The following CPSF3 variants were observed in gnomAD, a reference collection of about 807,000 sequenced individuals.
CPSF3 encodes the protein cleavage and polyadenylation specificity factor subunit 3.
CPSF3 carries 57 observed loss-of-function variants against 84.1 expected under a neutral mutation model. The observed-to-expected ratio is 0.68, with a 90% CI of 0.55 to 0.85. The LOEUF (loss-of-function observed/expected upper bound fraction) is 0.85. CPSF3 is among the 40% of genes least tolerant of loss of function. CPSF3 has a pLI of 0.00. For missense variants in CPSF3, 522 were observed against 838.8 expected, an observed-to-expected ratio of 0.62 and a Z score of 4.66; for synonymous variants, 275 against 278.1, an observed-to-expected ratio of 0.99 and a Z score of 0.11.
At chr2:9,463,955 C>T (rs1681818330) in intron 15 of CPSF3, among the ~76,000 whole-genome samples, 1 of 152,218 alleles carries the variant, frequency 6.6e-6, no homozygotes, top group African/African-American at 2.4e-5. Flanking sequence ...CAAGGCACCT[C>T]TGTGAAACAA....
chr2:9,471,582 CT>C, intron 17 of CPSF3, 143 bp downstream of exon 17: 1 of 615,852 alleles, frequency 1.6e-6, no homozygotes, highest in South Asian at 1.9e-5. Flanking sequence ...TCACATTGTT[CT>C]TTTTATATTA....
At chr2:9,431,529 A>ATT (rs759124668) in intron 4 of CPSF3, among the ~76,000 whole-genome samples, 1,660 of 131,638 alleles carry the variant, frequency 0.013, 38 homozygotes, top group Middle Eastern at 0.018. Flanking sequence ...AAATATACAT[A>ATT]TTTTTTTTTT....
At chr2:9,450,238 G>A (rs1305078633) in intron 11 of CPSF3, among the ~76,000 whole-genome samples, 1 of 146,586 alleles carries the variant, frequency 6.8e-6, no homozygotes, top group Non-Finnish European at 1.5e-5. Flanking sequence ...TGCAACCTCC[G>A]CCTCCCAGGT....
intron 6 of CPSF3, among the ~76,000 whole-genome samples, chr2:9,435,827 G>C (rs576120176): frequency 2.6e-5 from 4 of 152,132 alleles, no homozygotes; most frequent in African/African-American, 7.2e-5. Context: ...CCTCCTCCTG[G>C]GTTCAAACAG....
intron 17 of CPSF3, among the ~76,000 whole-genome samples, chr2:9,471,657 A>G (rs545042574): frequency 6.6e-6 from 1 of 151,292 alleles, no homozygotes; most frequent in Non-Finnish European, 1.5e-5. Flanking sequence ...CGTGTATGCC[A>G]CTCCATTGCT....
At chr2:9,444,628 GTTTGTTTGCTT>G (rs1481325542) in intron 10 of CPSF3, among the ~76,000 whole-genome samples, 1 of 149,762 alleles carries the variant, frequency 6.7e-6, no homozygotes, top group East Asian at 1.9e-4. Context: ...TGTTAGTTTT[GTTTGTTTGCTT>G]GTTGTTTGGG....
intron 15 of CPSF3, among the ~76,000 whole-genome samples, chr2:9,464,021 C>T (rs1040139153): frequency 1.1e-4 from 16 of 152,268 alleles, no homozygotes; most frequent in Admixed American, 8.5e-4. Context: ...CCTCCTGACA[C>T]TTCAGTCCAG....
intron 9 of CPSF3, 141 bp downstream of exon 9, chr2:9,442,117 T>A: frequency 1.2e-6 from 1 of 805,636 alleles, no homozygotes; most frequent in Non-Finnish European, 2.0e-6. Context: ...AATAGGTAGC[T>A]AGAGATGTGC....
At chr2:9,466,342 G>GACCA (rs56758438) in intron 15 of CPSF3, among the ~76,000 whole-genome samples, 28,359 of 88,994 alleles carry the variant, frequency 0.32, 2,632 homozygotes, top group Middle Eastern at 0.51. Flanking sequence ...ACGCACACAC[G>GACCA]CGCGCGCGCG....
At chr2:9,442,920 C>T (rs958282534) in intron 9 of CPSF3, among the ~76,000 whole-genome samples, 2 of 151,818 alleles carry the variant, frequency 1.3e-5, no homozygotes, top group African/African-American at 2.4e-5. Flanking sequence ...CCTAGCACTT[C>T]AGGAGGCCAC....
intron 2 of CPSF3, 36 bp downstream of exon 2, chr2:9,428,864 G>A: frequency 1.6e-6 from 2 of 1,266,100 alleles, no homozygotes; most frequent in Non-Finnish European, 1.2e-6. Context: ...TAATAGTATG[G>A]CTCTGTCTGT....
At chr2:9,447,032 C>T (rs1028171923) in intron 10 of CPSF3, among the ~76,000 whole-genome samples, 1 of 150,678 alleles carries the variant, frequency 6.6e-6, no homozygotes, top group Admixed American at 6.6e-5. Flanking sequence ...TCCCAGCTAC[C>T]TGGGTGGCTA....
intron 11 of CPSF3, among the ~76,000 whole-genome samples, chr2:9,451,716 CT>C (rs35559032): frequency 0.28 from 35,793 of 128,762 alleles, 4,638 homozygotes; most frequent in Middle Eastern, 0.38. Flanking sequence ...ATAAATGAAA[CT>C]TTTTTTTTTT....
chr2:9,437,888 G>C (rs1441150882), intron 7 of CPSF3, among the ~76,000 whole-genome samples: 1 of 152,186 alleles, frequency 6.6e-6, no homozygotes, highest in African/African-American at 2.4e-5. Context: ...TGTTGTCCCA[G>C]CTACCTGGGA....
intron 3 of CPSF3, 61 bp from the exon 4 acceptor site, chr2:9,430,691 C>G: frequency 1.3e-6 from 2 of 1,496,578 alleles, no homozygotes; most frequent in South Asian, 2.5e-5. Context: ...GCAACAGTTT[C>G]ATTACATGGT....
chr2:9,466,265 A>ACGTGCGC (rs1681928180), intron 15 of CPSF3, among the ~76,000 whole-genome samples: 1 of 36,888 alleles, frequency 2.7e-5, no homozygotes, highest in Non-Finnish European at 8.9e-5. Context: ...CACGCACACA[A>ACGTGCGC]AGACGCACGC....
At chr2:9,444,132 T>A (rs1445435397) in intron 10 of CPSF3, among the ~76,000 whole-genome samples, 3 of 132,124 alleles carry the variant, frequency 2.3e-5, no homozygotes, top group Non-Finnish European at 4.9e-5. Context: ...AAATGCTTAA[T>A]ATATATATTA....
At chr2:9,466,746 A>G (rs1290730243) in intron 15 of CPSF3, among the ~76,000 whole-genome samples, 1 of 152,238 alleles carries the variant, frequency 6.6e-6, no homozygotes, top group African/African-American at 2.4e-5. Flanking sequence ...CGTTTCAGAT[A>G]AATGGAATCA....
At chr2:9,452,325 CAAAA>C (rs58267919) in intron 11 of CPSF3, among the ~76,000 whole-genome samples, 5 of 72,806 alleles carry the variant, frequency 6.9e-5, no homozygotes, top group Admixed American at 3.3e-4. Context: ...GACACTGTCT[CAAAA>C]AAAAAAAAAA....
Sources: allele counts gnomAD v4.1 joint callset (sites outside exome capture counted in the v4.1 genomes callset), GRCh38; gene constraint gnomAD v4.1.1; transcripts MANE v1.5; gene names NCBI Gene and HGNC (gene_info 2026-07-23, HGNC 2026-07-21).